CNGA1: variants seen among roughly 807,000 people sequenced by gnomAD.
CNGA1 encodes the protein cyclic nucleotide-gated channel alpha-1.
Under a neutral mutation model 69.7 loss-of-function variants are expected in CNGA1, and 53 were observed. The ratio of observed to expected loss-of-function variants is 0.76; its 90% CI spans 0.61 to 0.96. The LOEUF is 0.96. Among genes scored for constraint, CNGA1 ranks in the 40% least tolerant of loss-of-function variants. The pLI is 0.00. For missense variants in CNGA1, 739 were observed against 811.2 expected (o/e 0.91, Z 1.08); for synonymous variants, 249 against 283.5 (o/e 0.88, Z 1.22).
chr4:47,997,416 C>A (rs1181731505), intron 2 of CNGA1, among the ~76,000 whole-genome samples: 1 of 152,010 alleles, frequency 6.6e-6, no homozygotes, highest in African/African-American at 2.4e-5. Context: ...ACCTTCATAA[C>A]CAAAATATTA....
intron 2 of CNGA1, among the ~76,000 whole-genome samples, chr4:47,986,474 A>G (rs1169195607): frequency 1.3e-5 from 2 of 152,046 alleles, no homozygotes; most frequent in Non-Finnish European, 2.9e-5. Flanking sequence ...CTAGCAAAAT[A>G]TAACCAGGTG....
At chr4:48,004,604 T>C (rs1221685781) in intron 2 of CNGA1, among the ~76,000 whole-genome samples, 1 of 152,120 alleles carries the variant, frequency 6.6e-6, no homozygotes, top group Non-Finnish European at 1.5e-5. Flanking sequence ...GGCTCACTTT[T>C]AGCAGGCTGT....
chr4:48,013,405 T>C (rs542094191), intron 1 of CNGA1, among the ~76,000 whole-genome samples: 1 of 152,258 alleles, frequency 6.6e-6, no homozygotes, highest in Non-Finnish European at 1.5e-5. Context: ...TTGGGTTTTA[T>C]ACATTCTAGG....
In CNGA1 at chr4:47,937,345, T is replaced by G. The variant is rs1738728562; in HGVS notation, c.1137A>C (p.Leu379=). The change falls in exon 11 of 11, where the codon CTA becomes CTC. Residue 379 remains leucine, a synonymous_variant. Coordinates refer to ENST00000514170, the MANE Select transcript of CNGA1 (RefSeq NM_001379270.1). ...TGGTAGCAAAAATTAACACTCCAAT[T>G]AGGAAATCAACCACCACAAAGACAT... ...SEYVFVVVDF[L]IGVLIFATIV... 1 of 1,613,898 alleles carries G rather than the reference T, an allele frequency of 6.2e-7. No homozygotes were observed. Among genetic ancestry groups the G allele is most frequent in the South Asian group, 1.1e-5 (1 of 91,086 alleles).
intron 2 of CNGA1, among the ~76,000 whole-genome samples, chr4:47,983,623 A>G (rs1406175113): frequency 6.6e-6 from 1 of 152,064 alleles, no homozygotes; most frequent in Non-Finnish European, 1.5e-5. Context: ...AGTAAAAGAA[A>G]AAGAAAAAGA....
At chr4:48,014,807 T>C (rs999417939) in intron 1 of CNGA1, among the ~76,000 whole-genome samples, 1 of 152,230 alleles carries the variant, frequency 6.6e-6, no homozygotes, top group African/African-American at 2.4e-5. Context: ...TAGATCACGT[T>C]TACCATCATT....
chr4:47,998,672 G>T (rs1714510511), intron 2 of CNGA1, among the ~76,000 whole-genome samples: 1 of 152,198 alleles, frequency 6.6e-6, no homozygotes, highest in Non-Finnish European at 1.5e-5. Context: ...CAGCTACTCA[G>T]GAGGCTGAGG....
chr4:47,983,606 A>AC (rs1384554687), intron 2 of CNGA1, among the ~76,000 whole-genome samples: 2 of 149,120 alleles, frequency 1.3e-5, no homozygotes, highest in African/African-American at 5.1e-5. Context: ...AACAACAACA[A>AC]AAAAAAAGTA....
chr4:47,956,380 A>T (rs1050638149), intron 3 of CNGA1, among the ~76,000 whole-genome samples: 2 of 152,192 alleles, frequency 1.3e-5, no homozygotes, highest in African/African-American at 4.8e-5. Flanking sequence ...AGTGGCTCCC[A>T]TCTAAGGAAG....
chr4:48,002,546 T>C (rs1490434216), intron 2 of CNGA1, among the ~76,000 whole-genome samples: 4 of 150,620 alleles, frequency 2.7e-5, no homozygotes, highest in Non-Finnish European at 5.9e-5. Flanking sequence ...GGCCAGGTAA[T>C]AGGTGCTTGC....
chr4:47,940,126 A>G (rs1184473001), intron 10 of CNGA1, among the ~76,000 whole-genome samples: 2 of 152,226 alleles, frequency 1.3e-5, no homozygotes, highest in Non-Finnish European at 2.9e-5. Flanking sequence ...CTTCTCCTAA[A>G]CTGGCTACCA....
At chr4:48,012,686 G>C (rs1232234094) in intron 1 of CNGA1, among the ~76,000 whole-genome samples, 2 of 124,094 alleles carry the variant, frequency 1.6e-5, no homozygotes, top group Non-Finnish European at 3.8e-5. Context: ...CCCTGATCAA[G>C]TTGGATAGAG....
intron 3 of CNGA1, among the ~76,000 whole-genome samples, chr4:47,964,994 T>A (rs1740644995): frequency 6.6e-6 from 1 of 152,104 alleles, no homozygotes; most frequent in Non-Finnish European, 1.5e-5. Context: ...TTTGTATTAA[T>A]TAATTTCTGT....
chr4:47,973,514 A>G (rs1452697820), intron 3 of CNGA1, among the ~76,000 whole-genome samples: 1 of 152,230 alleles, frequency 6.6e-6, no homozygotes, highest in East Asian at 1.9e-4. Context: ...TTTCCAGAGT[A>G]GTATTCTGTG....
chr4:47,990,387 C>T (rs112206486), intron 2 of CNGA1, among the ~76,000 whole-genome samples: 37 of 152,154 alleles, frequency 2.4e-4, no homozygotes, highest in African/African-American at 8.0e-4. Context: ...GGCTGAAATA[C>T]GCCCTGGTCT....
chr4:47,986,974 ATTGTGTTGTG>A (rs56279900), intron 2 of CNGA1, among the ~76,000 whole-genome samples: 18 of 151,576 alleles, frequency 1.2e-4, no homozygotes, highest in East Asian at 3.9e-4. Context: ...GGATAAGAGT[ATTGTGTTGTG>A]TTGTGTTGTG....
chr4:47,939,024 GA>G (rs1738897310), intron 10 of CNGA1, among the ~76,000 whole-genome samples: 3 of 150,996 alleles, frequency 2.0e-5, no homozygotes, highest in African/African-American at 4.9e-5. Flanking sequence ...AAAGAAGAAA[GA>G]AAGAAAGAGA....
intron 2 of CNGA1, among the ~76,000 whole-genome samples, chr4:48,007,494 T>C (rs1034227411): frequency 6.6e-6 from 1 of 152,210 alleles, no homozygotes; most frequent in East Asian, 1.9e-4. Context: ...TTGATTGGCA[T>C]ATTCTGATGC....
Position 47,936,077 on chromosome 4 carries a change from C to A in CNGA1, c.*344G>T. ...TCAGTTACTTCAAATACGCTTCACT[C>A]AACAATGGAAATGGCATGAAAGTGA... On this transcript the variant is annotated 3_prime_UTR_variant, in exon 11 of 11. Coordinates refer to ENST00000514170, the MANE Select transcript of CNGA1 (RefSeq NM_001379270.1). The A allele has an allele frequency of 3.1e-6, 1 of 317,968 alleles. No individual in the cohort carries two copies. The allele number at this position is 317,968 out of a possible 1,614,324, so 19.7% of individuals were successfully genotyped here. A position where few individuals can be genotyped will look rare whatever the true frequency, so the allele number is the denominator to read the frequency against.
Sources: allele counts gnomAD v4.1 joint callset (sites outside exome capture counted in the v4.1 genomes callset), GRCh38; gene constraint gnomAD v4.1.1; transcripts MANE v1.5; gene names NCBI Gene and HGNC (gene_info 2026-07-23, HGNC 2026-07-21).